Variants in EMG1 observed in about 807,000 individuals in gnomAD.
EMG1 encodes ribosomal RNA small subunit methyltransferase NEP1.
A neutral mutation model predicts 26.9 loss-of-function variants in EMG1; 24 were observed. That is an observed-to-expected ratio of 0.89 (90% CI 0.65 to 1.26). The LOEUF (loss-of-function observed/expected upper bound fraction) is 1.26. Among genes scored for constraint, EMG1 ranks in the 50% most tolerant of loss-of-function variants. The probability of loss-of-function intolerance (pLI) is 0.00; values close to 1 mark genes in which losing one functional copy is unlikely to be tolerated. For missense variants in EMG1, 299 were observed against 307.6 expected (o/e 0.97, Z 0.21); for synonymous variants, 140 against 112.6 (o/e 1.24, Z -1.54).
intron 7 of EMG1, among the ~76,000 whole-genome samples, chr12:6,996,033 C>T (rs782447408): frequency 6.6e-6 from 1 of 152,280 alleles, no homozygotes; most frequent in South Asian, 2.1e-4. Flanking sequence ...CACTCCTCTG[C>T]TCAAAGCCCT....
intron 7 of EMG1, among the ~76,000 whole-genome samples, chr12:6,995,121 CTTTT>C (rs34836555): frequency 6.9e-6 from 1 of 145,000 alleles, no homozygotes; most frequent in Non-Finnish European, 1.5e-5. Flanking sequence ...CTTCTCTGGG[CTTTT>C]TTTTTTTTTT....
intron 7 of EMG1, among the ~76,000 whole-genome samples, chr12:6,996,791 G>A (rs1167618408): frequency 6.6e-6 from 1 of 152,220 alleles, no homozygotes; most frequent in East Asian, 1.9e-4. Context: ...AGAGGTTAAA[G>A]AGAAATCAAT....
intron 7 of EMG1, among the ~76,000 whole-genome samples, chr12:6,994,759 T>C (rs1163786247): frequency 1.3e-5 from 2 of 152,212 alleles, no homozygotes; most frequent in African/African-American, 4.8e-5. Flanking sequence ...TTGGCCAATG[T>C]TCACTCTTAC....
downstream of EMG1, chr12:6,980,986 A>G: frequency 6.4e-7 from 1 of 1,568,744 alleles, no homozygotes. Flanking sequence ...AAACATCTGG[A>G]CCAAGAGGGG....
chr12:6,980,943 A>G, downstream of EMG1: 1 of 1,467,642 alleles, frequency 6.8e-7, no homozygotes, highest in South Asian at 1.4e-5. Context: ...AGCTTTCAGA[A>G]GAGTCACTTC....
downstream of EMG1, chr12:6,983,484 G>A (rs1555154410): frequency 6.2e-7 from 1 of 1,613,320 alleles, no homozygotes; most frequent in Non-Finnish European, 8.5e-7. Context: ...AGAGGTGGAT[G>A]AGGTAGGTCT....
Position 6,979,434 on chromosome 12 carries a change from G to T in EMG1, c.*3625G>T. ...CTTGCCTGTCCATTTTCTAGCTCTGGTGCAGTCATGCTGCTGCTGCTTTAG... is the reference window on the plus strand; with the variant it reads ...CTTGCCTGTCCATTTTCTAGCTCTGTTGCAGTCATGCTGCTGCTGCTTTAG... On this transcript the variant is annotated 3_prime_UTR_variant, in exon 6 of 6. Coordinates refer to ENST00000599672, the MANE Select transcript of EMG1 (RefSeq NM_006331.8). The T allele has an allele frequency of 6.9e-7, 1 of 1,444,238 alleles. No individual in the cohort carries two copies. Among genetic ancestry groups the T allele is most frequent in the Non-Finnish European group, 9.7e-7 (1 of 1,025,772 alleles). The allele number at this position is 1,444,238 out of a possible 1,614,324, so 89.5% of individuals were successfully genotyped here.
chr12:6,988,503 AGGG>A (rs1555155060), downstream of EMG1: 1 of 152,158 alleles, frequency 6.6e-6, no homozygotes, highest in Admixed American at 6.5e-5. Context: ...GTTTTTAGGG[AGGG>A]TGTGACCCTA....
At chr12:6,982,963 G>A (rs767579874), downstream of EMG1, 9 of 669,480 alleles carry the variant, frequency 1.3e-5, no homozygotes, top group Non-Finnish European at 2.4e-5. Context: ...TTATTAGGGT[G>A]TTATTTTATT....
rs1555153426 is a variant in EMG1 at position 6,977,508 on chromosome 12, T to C, written c.*1699T>C. 1.2e-6 allele frequency: 2 copies of C among 1,614,176 alleles called. No individual in the cohort carries two copies. Among genetic ancestry groups the C allele is most frequent in the Admixed American group, 1.7e-5 (1 of 60,020 alleles). ...CCAGCTTGCTCAGGGTGGGGCTCTC[T>C]TGAATGAGCCTGGCAGCCTGGGGAG... is the stretch of plus-strand genomic sequence containing the variant. On this transcript the variant is annotated 3_prime_UTR_variant, in exon 6 of 6. Coordinates refer to ENST00000599672, the MANE Select transcript of EMG1 (RefSeq NM_006331.8). The surrounding 1 kb of genome is among the most constrained non-coding windows in gnomAD (Gnocchi z 4.5).
At position 6,978,773 on chromosome 12, in the gene EMG1, C is replaced by G. The variant is rs1256032575; in HGVS notation, c.*2964C>G. The G allele has an allele frequency of 5.1e-6, 8 of 1,563,456 alleles. No individual in the cohort carries two copies. The African/African-American group carries it at 1.1e-4, about 21-fold the overall frequency. ...GCACTCTTCCTTTTCACACTTGTGGCTGGCTACTTCATACCTGCCTGAGTC... is the reference window on the plus strand; with the variant it reads ...GCACTCTTCCTTTTCACACTTGTGGGTGGCTACTTCATACCTGCCTGAGTC... On this transcript the variant is annotated 3_prime_UTR_variant, in exon 6 of 6. Coordinates refer to ENST00000599672, the MANE Select transcript of EMG1 (RefSeq NM_006331.8).
chr12:6,993,019 C>T (rs782631028), downstream of EMG1, among the ~76,000 whole-genome samples: 5 of 152,150 alleles, frequency 3.3e-5, no homozygotes, highest in South Asian at 1.0e-3. Flanking sequence ...GCTTAGAATC[C>T]ATGAATGTGG....
chr12:6,974,311 T>A (rs782634400), intron 1 of EMG1, 28 bp from the exon 2 acceptor site: 3 of 1,531,702 alleles, frequency 2.0e-6, no homozygotes, highest in Non-Finnish European at 2.7e-6. Flanking sequence ...GCTTATGCTG[T>A]TCTCTCGTCA....
chr12:6,971,204 T>C, intron 1 of EMG1, 113 bp downstream of exon 1: 1 of 874,410 alleles, frequency 1.1e-6, no homozygotes, highest in South Asian at 1.5e-5. Context: ...AAAGATGCTT[T>C]TGAAGGAAGG....
At chr12:6,975,452 T>TG in intron 5 of EMG1, 74 bp downstream of exon 5, 1 of 1,440,328 alleles carries the variant, frequency 6.9e-7, no homozygotes, top group Non-Finnish European at 9.4e-7. Context: ...CAGTAGGCAT[T>TG]TTAACAATGC....
At chr12:6,990,318 G>A (rs2138342043), downstream of EMG1, among the ~76,000 whole-genome samples, 1 of 151,206 alleles carries the variant, frequency 6.6e-6, no homozygotes, top group African/African-American at 2.4e-5. Context: ...GACCATCCTG[G>A]TTAACATGGT....
At position 6,976,924 on chromosome 12, in the gene EMG1, A is replaced by G; in HGVS notation, c.*1115A>G. The G allele has an allele frequency of 2.0e-6, 1 of 512,158 alleles. No individual in the cohort carries two copies. The highest frequency in any genetic ancestry group is 3.6e-6 in the Non-Finnish European group (1 of 281,520). 31.7% of individuals were successfully genotyped at this position (512,158 alleles called of 1,614,324 possible). A position where few individuals can be genotyped will look rare whatever the true frequency, so the allele number is the denominator to read the frequency against. On this transcript the variant is annotated 3_prime_UTR_variant, in exon 6 of 6. Coordinates refer to ENST00000599672, the MANE Select transcript of EMG1 (RefSeq NM_006331.8). ...ACAAGAGGAGTTTGGAAGGCTGGTT[A>G]GTTACTCCTGTAATTCCTGGTCTAT...
chr12:6,983,119 T>C, downstream of EMG1: 1 of 497,094 alleles, frequency 2.0e-6, no homozygotes, highest in Non-Finnish European at 3.7e-6. Flanking sequence ...ATGTCTGAAG[T>C]GAAGAATGAA....
downstream of EMG1, chr12:6,981,514 T>C (rs1946470775): frequency 3.6e-6 from 5 of 1,388,656 alleles, no homozygotes; most frequent in Non-Finnish European, 5.1e-6. Flanking sequence ...GCTCTGGAAT[T>C]TGGGTTCAGT....
Sources: allele counts gnomAD v4.1 joint callset (sites outside exome capture counted in the v4.1 genomes callset), GRCh38; gene constraint gnomAD v4.1.1; non-coding constraint Gnocchi (gnomAD v3.1); transcripts MANE v1.5; gene names NCBI Gene and HGNC (gene_info 2026-07-23, HGNC 2026-07-21).